Variants in MTUS2 observed in about 807,000 individuals in gnomAD.
The protein encoded by MTUS2 is microtubule associated scaffold protein 2, also known as microtubule-associated tumor suppressor candidate 2.
Under a neutral mutation model 114.1 loss-of-function variants are expected in MTUS2, and 40 were observed. The ratio of observed to expected loss-of-function variants is 0.35; its 90% CI spans 0.27 to 0.46. The LOEUF is 0.46. Ranked by LOEUF, MTUS2 falls within the 20% of genes least tolerant of loss-of-function variation. The pLI, the probability that MTUS2 is intolerant of heterozygous loss-of-function variation, is 1.00. For synonymous variants in MTUS2, 688 were observed against 672.0 expected (o/e 1.02, Z -0.37); for missense variants, 1,679 against 1,705.4 (o/e 0.98, Z 0.27).
chr13:29,132,121 T>C (rs961919436), intron 5 of MTUS2, among the ~76,000 whole-genome samples: 2 of 152,248 alleles, frequency 1.3e-5, no homozygotes, highest in African/African-American at 4.8e-5. Context: ...TTTCATATAC[T>C]TGTGTCTGTG....
At chr13:28,976,170 C>T (rs1372476146) in intron 2 of MTUS2, among the ~76,000 whole-genome samples, 2 of 136,162 alleles carry the variant, frequency 1.5e-5, no homozygotes, top group African/African-American at 5.7e-5. Context: ...CACCACTGCA[C>T]TCCAGTTTAG....
intron 2 of MTUS2, among the ~76,000 whole-genome samples, chr13:29,013,539 A>AT (rs376069649): frequency 6.6e-6 from 1 of 152,210 alleles, no homozygotes; most frequent in African/African-American, 2.4e-5. Context: ...TTATGAAATC[A>AT]TTTTTTTAGA....
At chr13:28,948,393 A>T (rs1462494198) in intron 2 of MTUS2, among the ~76,000 whole-genome samples, 1 of 152,212 alleles carries the variant, frequency 6.6e-6, no homozygotes, top group East Asian at 1.9e-4. Context: ...TTGGTTCTGT[A>T]TAAGAAGGAG....
intron 5 of MTUS2, among the ~76,000 whole-genome samples, chr13:29,228,257 GGAAA>G: frequency 6.6e-6 from 1 of 152,308 alleles, no homozygotes; most frequent in East Asian, 1.9e-4. Flanking sequence ...AGAATGAATT[GGAAA>G]TCTGCCAGAT....
intron 5 of MTUS2, among the ~76,000 whole-genome samples, chr13:29,205,845 T>C (rs189739485): frequency 9.8e-5 from 15 of 152,342 alleles, no homozygotes; most frequent in African/African-American, 3.6e-4. Flanking sequence ...ATTTTTGCAA[T>C]TGCGAATTCT....
At chr13:28,825,187 C>T (rs1228360232) in intron 1 of MTUS2, among the ~76,000 whole-genome samples, 1 of 152,146 alleles carries the variant, frequency 6.6e-6, no homozygotes, top group African/African-American at 2.4e-5. Flanking sequence ...CTGAGGACCT[C>T]TCAGGGCATC....
intron 2 of MTUS2, among the ~76,000 whole-genome samples, chr13:28,969,794 CG>C (rs1177450516): frequency 1.4e-5 from 2 of 143,802 alleles, no homozygotes; most frequent in South Asian, 2.3e-4. Flanking sequence ...TGAGCCACTG[CG>C]CCCGGCTGAA....
chr13:29,011,607 G>A (rs1885846776), intron 2 of MTUS2, among the ~76,000 whole-genome samples: 1 of 152,122 alleles, frequency 6.6e-6, no homozygotes. Flanking sequence ...TCTGGGCTGA[G>A]TTGGTTCCTA....
At chr13:29,124,875 C>T (rs527608987) in intron 5 of MTUS2, among the ~76,000 whole-genome samples, 114 of 152,162 alleles carry the variant, frequency 7.5e-4, no homozygotes, top group Non-Finnish European at 6.6e-4. Context: ...TAGGAGGTAC[C>T]TGGAGTACTC....
chr13:29,148,694 G>T (rs1892544305), intron 5 of MTUS2, among the ~76,000 whole-genome samples: 1 of 69,228 alleles, frequency 1.4e-5, no homozygotes, highest in Admixed American at 1.8e-4. Context: ...TAGCCGGGAT[G>T]GTCTCGATCT....
At chr13:29,502,694 G>A (rs1015390786) in intron 15 of MTUS2, among the ~76,000 whole-genome samples, 5 of 152,230 alleles carry the variant, frequency 3.3e-5, no homozygotes, top group Admixed American at 1.3e-4. Context: ...CCAGCTCTCC[G>A]CTTCCCTCCT....
intron 5 of MTUS2, among the ~76,000 whole-genome samples, chr13:29,139,321 C>CACTA (rs1892118414): frequency 6.6e-6 from 1 of 152,162 alleles, no homozygotes; most frequent in African/African-American, 2.4e-5. Flanking sequence ...CTCTTCTTTA[C>CACTA]ACTATGCATT....
At chr13:29,389,419 GTA>G (rs1203778086) in intron 8 of MTUS2, among the ~76,000 whole-genome samples, 4 of 106,892 alleles carry the variant, frequency 3.7e-5, no homozygotes, top group African/African-American at 1.8e-4. Flanking sequence ...ACGTGTGTGT[GTA>G]TGTATACACG....
intron 6 of MTUS2, among the ~76,000 whole-genome samples, chr13:29,291,941 G>A (rs1276937344): frequency 2.6e-5 from 4 of 152,152 alleles, no homozygotes; most frequent in African/African-American, 7.2e-5. Flanking sequence ...CTGCTAAAAG[G>A]TAAATTTTAT....
chr13:29,423,047 A>G (rs1876237841), intron 8 of MTUS2, among the ~76,000 whole-genome samples: 1 of 152,204 alleles, frequency 6.6e-6, no homozygotes, highest in Admixed American at 6.5e-5. Flanking sequence ...ATTTTTATTC[A>G]GAGGGGACCT....
intron 2 of MTUS2, among the ~76,000 whole-genome samples, chr13:28,994,148 A>G (rs574584108): frequency 6.6e-6 from 1 of 152,080 alleles, no homozygotes; most frequent in East Asian, 1.9e-4. Context: ...GAGAACATGC[A>G]GTGTTTGGTT....
intron 8 of MTUS2, among the ~76,000 whole-genome samples, chr13:29,420,446 T>G (rs1457413318): frequency 6.6e-6 from 1 of 151,960 alleles, no homozygotes; most frequent in African/African-American, 2.4e-5. Flanking sequence ...CCCAGCTAAT[T>G]TTTGTATTTT....
intron 9 of MTUS2, among the ~76,000 whole-genome samples, chr13:29,457,587 A>G (rs1246064769): frequency 6.6e-6 from 1 of 152,152 alleles, no homozygotes; most frequent in Non-Finnish European, 1.5e-5. Flanking sequence ...GCTATTATAA[A>G]TAAGGCTGTT....
chr13:29,073,131 C>T (rs1000627638), intron 4 of MTUS2, among the ~76,000 whole-genome samples: 1 of 152,116 alleles, frequency 6.6e-6, no homozygotes, highest in Non-Finnish European at 1.5e-5. Flanking sequence ...CAGTCACTTT[C>T]AATGATACAA....
Sources: gnomAD v4.1 joint callset for allele counts (sites outside exome capture counted in the v4.1 genomes callset) on GRCh38, gnomAD v4.1.1 for gene constraint, MANE v1.5 for transcripts, NCBI Gene and HGNC (gene_info 2026-07-23, HGNC 2026-07-21) for gene names.